PRR5L: variants seen among roughly 807,000 people sequenced by gnomAD.
PRR5L encodes proline-rich protein 5-like.
Under a neutral mutation model 36.4 loss-of-function variants are expected in PRR5L, and 21 were observed. That is an observed-to-expected ratio of 0.58 (90% confidence interval 0.41 to 0.83). PRR5L has a LOEUF of 0.83. Ranked by LOEUF, PRR5L falls within the 40% of genes least tolerant of loss-of-function variation. The pLI is 0.00. For synonymous variants in PRR5L, 188 were observed against 197.0 expected (o/e 0.95, Z 0.38); for missense variants, 381 against 473.3 (o/e 0.80, Z 1.81).
chr11:36,314,749 G>A (rs567493895), intron 1 of PRR5L, among the ~76,000 whole-genome samples: 59 of 152,282 alleles, frequency 3.9e-4, no homozygotes, highest in African/African-American at 1.3e-3. Flanking sequence ...TGAAGACGGC[G>A]CTTTCCTTAA....
chr11:36,407,601 C>G (rs1186224047), intron 3 of PRR5L, among the ~76,000 whole-genome samples: 1 of 152,132 alleles, frequency 6.6e-6, no homozygotes, highest in Non-Finnish European at 1.5e-5. Context: ...CTACTGAACC[C>G]AAATGGTAAT....
chr11:36,459,023 G>A (rs1016924017), intron 8 of PRR5L, among the ~76,000 whole-genome samples: 3 of 152,218 alleles, frequency 2.0e-5, no homozygotes, highest in Non-Finnish European at 4.4e-5. Flanking sequence ...CAGAAAAGGA[G>A]GCTGAAAAGA....
intron 1 of PRR5L, among the ~76,000 whole-genome samples, chr11:36,325,181 G>A (rs906584378): frequency 3.3e-5 from 5 of 152,338 alleles, no homozygotes; most frequent in Middle Eastern, 3.4e-3. Context: ...GAAGAGAACC[G>A]TGGAACCCAG....
intron 1 of PRR5L, among the ~76,000 whole-genome samples, chr11:36,348,819 AC>A (rs2133486238): frequency 6.6e-6 from 1 of 152,304 alleles, no homozygotes; most frequent in East Asian, 1.9e-4. Flanking sequence ...CAATGTCTCT[AC>A]TTTACTGATG....
At chr11:36,345,784 C>CT (rs1856859110) in intron 1 of PRR5L, among the ~76,000 whole-genome samples, 1 of 152,220 alleles carries the variant, frequency 6.6e-6, no homozygotes, top group Admixed American at 6.5e-5. Context: ...GGTCAGGTAA[C>CT]AGCAGATGCT....
intron 1 of PRR5L, among the ~76,000 whole-genome samples, chr11:36,330,157 T>G (rs1424499223): frequency 2.0e-5 from 3 of 152,210 alleles, no homozygotes; most frequent in Admixed American, 1.3e-4. Flanking sequence ...CTGCAGGGCT[T>G]ATAGAGAGAA....
chr11:36,371,313 C>G (rs1427452391), intron 1 of PRR5L, among the ~76,000 whole-genome samples: 2 of 152,106 alleles, frequency 1.3e-5, no homozygotes, highest in African/African-American at 4.8e-5. Context: ...GATTTTACAC[C>G]CTGGTGTTAG....
At chr11:36,420,117 G>T (rs1858231805) in intron 4 of PRR5L, among the ~76,000 whole-genome samples, 1 of 152,244 alleles carries the variant, frequency 6.6e-6, no homozygotes, top group African/African-American at 2.4e-5. Context: ...AATGGGGAGT[G>T]TTGAGTGACA....
chr11:36,331,628 A>G (rs1235108606), intron 1 of PRR5L, among the ~76,000 whole-genome samples: 1 of 152,220 alleles, frequency 6.6e-6, no homozygotes, highest in African/African-American at 2.4e-5. Context: ...TTTAAGAGAG[A>G]ATGGCAAACT....
chr11:36,316,011 T>C (rs1164835805), intron 1 of PRR5L, among the ~76,000 whole-genome samples: 1 of 152,232 alleles, frequency 6.6e-6, no homozygotes, highest in Non-Finnish European at 1.5e-5. Context: ...ACCAGGAGGC[T>C]TATCGGGACC....
intron 2 of PRR5L, 70 bp downstream of exon 2, chr11:36,401,355 G>A (rs1489162570): frequency 1.4e-6 from 2 of 1,431,076 alleles, no homozygotes; most frequent in Non-Finnish European, 1.9e-6. Flanking sequence ...GCATCCGGGG[G>A]CTGACTGAGC....
At chr11:36,428,285 G>T (rs965207068) in intron 4 of PRR5L, among the ~76,000 whole-genome samples, 1 of 152,184 alleles carries the variant, frequency 6.6e-6, no homozygotes, top group Non-Finnish European at 1.5e-5. Context: ...TGCATGTTCT[G>T]TTATCCCTTC....
chr11:36,413,749 G>A (rs948204049), intron 3 of PRR5L, among the ~76,000 whole-genome samples: 13 of 144,750 alleles, frequency 9.0e-5, no homozygotes, highest in East Asian at 6.1e-4. Context: ...TTTAGTGTAC[G>A]TGTGCACAAT....
chr11:36,426,685 C>T (rs1052654791), intron 4 of PRR5L, among the ~76,000 whole-genome samples: 7 of 152,024 alleles, frequency 4.6e-5, no homozygotes, highest in African/African-American at 9.7e-5. Flanking sequence ...TAGGTTGTGG[C>T]GAAAGTAAAA....
At chr11:36,432,079 A>C (rs891260400) in intron 5 of PRR5L, among the ~76,000 whole-genome samples, 169 bp downstream of exon 5, 6 of 152,200 alleles carry the variant, frequency 3.9e-5, no homozygotes, top group Non-Finnish European at 7.3e-5. Flanking sequence ...AGCTGCTCAC[A>C]GCAGTGCAAG....
At chr11:36,410,091 G>A (rs1322238058) in intron 3 of PRR5L, among the ~76,000 whole-genome samples, 3 of 152,346 alleles carry the variant, frequency 2.0e-5, no homozygotes, top group East Asian at 3.9e-4. Context: ...GGGTGACTCT[G>A]CCTGATGATG....
intron 3 of PRR5L, among the ~76,000 whole-genome samples, chr11:36,404,238 T>G (rs1353837113): frequency 6.6e-6 from 1 of 151,646 alleles, no homozygotes; most frequent in Non-Finnish European, 1.5e-5. Context: ...CACCAGGATC[T>G]TCTAGGGACA....
intron 1 of PRR5L, among the ~76,000 whole-genome samples, chr11:36,309,231 T>C (rs1856469128): frequency 6.6e-6 from 1 of 152,188 alleles, no homozygotes; most frequent in Non-Finnish European, 1.5e-5. Context: ...CTATAAACTG[T>C]TTTCTGACCT....
intron 6 of PRR5L, among the ~76,000 whole-genome samples, chr11:36,445,893 T>C (rs1858818123): frequency 6.6e-6 from 1 of 152,216 alleles, no homozygotes; most frequent in Admixed American, 6.5e-5. Context: ...GGTCCTGTGT[T>C]TTCCTTCTTT....
Sources: gnomAD v4.1 joint callset for allele counts (sites outside exome capture counted in the v4.1 genomes callset) on GRCh38, gnomAD v4.1.1 for gene constraint, MANE v1.5 for transcripts, NCBI Gene and HGNC (gene_info 2026-07-23, HGNC 2026-07-21) for gene names.